The following ARID1B variants were observed in gnomAD, a reference collection of about 807,000 sequenced individuals.
ARID1B encodes the protein AT-rich interactive domain-containing protein 1B.
In ARID1B, 30 loss-of-function variants were observed where a neutral mutation model predicts 212.3. That is an observed-to-expected ratio of 0.14 (90% confidence interval 0.11 to 0.19). The LOEUF (loss-of-function observed/expected upper bound fraction) is 0.19. Ranked by LOEUF, ARID1B falls within the 10% of genes least tolerant of loss-of-function variation. The pLI is 1.00. For synonymous variants in ARID1B, 1,402 were observed against 1,301.7 expected (o/e 1.08, Z -1.66); for missense variants, 2,891 against 3,204.0 (o/e 0.90, Z 2.36).
intron 2 of ARID1B, among the ~76,000 whole-genome samples, chr6:156,899,979 T>C (rs1281110161): frequency 6.6e-6 from 1 of 152,204 alleles, no homozygotes; most frequent in Non-Finnish European, 1.5e-5. Context: ...AGGATGTGTG[T>C]TGTAGTGGTA....
intron 1 of ARID1B, among the ~76,000 whole-genome samples, chr6:156,822,827 G>A (rs1325985401): frequency 6.6e-6 from 1 of 152,186 alleles, no homozygotes; most frequent in African/African-American, 2.4e-5. Flanking sequence ...CCACTGTTCT[G>A]TGTGTGCCGT....
intron 5 of ARID1B, among the ~76,000 whole-genome samples, chr6:157,091,330 C>G (rs117497469): frequency 0.029 from 4,348 of 152,268 alleles, 77 homozygotes; most frequent in Middle Eastern, 0.051. Flanking sequence ...TGTTTGGCAG[C>G]ACTGGGGTGT....
In ARID1B at chr6:157,148,486, C is replaced by A; in HGVS notation, c.2762-138C>A. The stretch of plus-strand genomic sequence containing the variant: ...AGCATGTTTGAGACTGGCAGCTGCA[C>A]CAGCAGCAACAGGAAGGGCCTATAA... On this transcript the variant is annotated intron_variant, in intron 7 of 19. Coordinates refer to ENST00000636930, the MANE Select transcript of ARID1B (RefSeq NM_001374828.1). This position sits in a 1 kb window ranked among gnomAD's most constrained non-coding sequence, Gnocchi z 5.6. 1 of 915,014 alleles carries A rather than the reference C, an allele frequency of 1.1e-6. No homozygotes were observed. The highest frequency in any genetic ancestry group is 1.6e-6 in the Non-Finnish European group (1 of 623,234). The allele number at this position is 915,014 out of a possible 1,614,324, so 56.7% of individuals were successfully genotyped here.
intron 3 of ARID1B, among the ~76,000 whole-genome samples, chr6:156,934,912 T>TA (rs1792040171): frequency 1.9e-5 from 1 of 52,702 alleles, no homozygotes. Flanking sequence ...TAGTTGTTAA[T>TA]TATATATATA....
At chr6:157,202,959 T>C (rs1162050928) in intron 18 of ARID1B, among the ~76,000 whole-genome samples, 1 of 152,206 alleles carries the variant, frequency 6.6e-6, no homozygotes, top group Non-Finnish European at 1.5e-5. Flanking sequence ...GCGGGTTATA[T>C]AGCATTTGTC....
At chr6:157,069,427 G>A (rs1783876812) in intron 4 of ARID1B, among the ~76,000 whole-genome samples, 1 of 152,164 alleles carries the variant, frequency 6.6e-6, no homozygotes, top group South Asian at 2.1e-4. Flanking sequence ...TATGATGTTT[G>A]CAACGTATTG....
chr6:156,869,703 A>G (rs2128141499), intron 2 of ARID1B, among the ~76,000 whole-genome samples: 1 of 152,336 alleles, frequency 6.6e-6, no homozygotes, highest in South Asian at 2.1e-4. Flanking sequence ...AAATATGTGA[A>G]GAGATGGATT....
At chr6:156,951,825 C>A (rs1311037382) in intron 4 of ARID1B, among the ~76,000 whole-genome samples, 1 of 152,116 alleles carries the variant, frequency 6.6e-6, no homozygotes, top group Non-Finnish European at 1.5e-5. Flanking sequence ...AATATATACT[C>A]TTTTGAAAAT....
intron 4 of ARID1B, among the ~76,000 whole-genome samples, chr6:156,948,727 A>T (rs1793357440): frequency 6.6e-6 from 1 of 152,260 alleles, no homozygotes; most frequent in Non-Finnish European, 1.5e-5. Flanking sequence ...AATAAATAAA[A>T]AATCAAATTA....
At chr6:156,931,275 G>A (rs192185832) in intron 3 of ARID1B, among the ~76,000 whole-genome samples, 40 of 150,916 alleles carry the variant, frequency 2.7e-4, no homozygotes, top group African/African-American at 8.8e-4. Flanking sequence ...TGTCTTTGAC[G>A]TTTTGGTTAT....
chr6:156,997,038 G>A (rs1049560746), intron 4 of ARID1B, among the ~76,000 whole-genome samples: 1 of 152,058 alleles, frequency 6.6e-6, no homozygotes, highest in African/African-American at 2.4e-5. Flanking sequence ...CTGATTTTTA[G>A]CATTACTTAA....
At chr6:156,776,881 T>C (rs1166192670), upstream of ARID1B, 1 of 152,208 alleles carries the variant, frequency 6.6e-6, no homozygotes, top group African/African-American at 2.4e-5. Flanking sequence ...GTTGTGGGAA[T>C]TACGCCGATG....
At chr6:156,944,448 T>C (rs921805371) in intron 4 of ARID1B, among the ~76,000 whole-genome samples, 3 of 152,140 alleles carry the variant, frequency 2.0e-5, no homozygotes, top group Non-Finnish European at 2.9e-5. Flanking sequence ...CTCTCCTGTA[T>C]GATCAGTTTG....
chr6:157,136,218 A>G (rs572170037), intron 7 of ARID1B, among the ~76,000 whole-genome samples: 8 of 152,324 alleles, frequency 5.3e-5, no homozygotes, highest in Admixed American at 2.6e-4. Flanking sequence ...AGTGACTACA[A>G]TGGTCAAGCC....
At chr6:157,169,384 C>A (rs1009704110) in intron 9 of ARID1B, 4 of 152,162 alleles carry the variant, frequency 2.6e-5, no homozygotes, top group African/African-American at 9.7e-5. Flanking sequence ...AAAAAATCCT[C>A]CTGTGTAGTG....
chr6:157,111,167 C>CT (rs569871938), intron 6 of ARID1B: 180 of 153,470 alleles, frequency 1.2e-3, no homozygotes, highest in Non-Finnish European at 2.1e-3. Context: ...TTCCAGAAAC[C>CT]TTTGGAGAGA....
chr6:157,052,936 T>C (rs1481844923), intron 4 of ARID1B, among the ~76,000 whole-genome samples: 1 of 152,082 alleles, frequency 6.6e-6, no homozygotes, highest in Admixed American at 6.6e-5. Context: ...GCCAGTATTG[T>C]CTCGATCTCC....
rs759934770 is a variant in ARID1B, at chr6:156,901,512, A to T, written c.2123A>T (p.Tyr708Phe). ...QYLPSQSQQR[Y>F]QPQQDMSQEG... ...CTGCCGTCCCAGTCCCAGCAGAGGT[A>T]CCAGCCGCAGCAGGTGAGCACAGTG... is the stretch of plus-strand genomic sequence containing the variant. The change falls in exon 3 of 20, where the codon TAC (tyrosine) becomes TTC (phenylalanine). Residue 708 changes from tyrosine to phenylalanine, a missense_variant. By Grantham distance (22) the Tyr-to-Phe change is conservative (BLOSUM62 3). Transcript: ENST00000636930. The T allele has an allele frequency of 6.2e-7, 1 of 1,612,870 alleles. No individual in the cohort carries two copies. Among genetic ancestry groups the T allele is most frequent in the South Asian group, 1.1e-5 (1 of 91,014 alleles).
At chr6:157,002,836 C>A (rs949497042) in intron 4 of ARID1B, among the ~76,000 whole-genome samples, 1 of 152,134 alleles carries the variant, frequency 6.6e-6, no homozygotes, top group African/African-American at 2.4e-5. Flanking sequence ...AATTGATAGA[C>A]AGGATTATGT....
Sources: allele counts gnomAD v4.1 joint callset (sites outside exome capture counted in the v4.1 genomes callset), GRCh38; gene constraint gnomAD v4.1.1; non-coding constraint Gnocchi (gnomAD v3.1); transcripts MANE v1.5; gene names NCBI Gene and HGNC (gene_info 2026-07-23, HGNC 2026-07-21).